The following NAA16 variants were observed in gnomAD, a reference collection of about 807,000 sequenced individuals.
NAA16 encodes N-alpha-acetyltransferase 16, NatA auxiliary subunit.
In NAA16, 97 loss-of-function variants were observed where a neutral mutation model predicts 110.3. That is an observed-to-expected ratio of 0.88 (90% CI 0.75 to 1.04). NAA16 has a LOEUF of 1.04. Among genes scored for constraint, NAA16 ranks in the 50% least tolerant of loss-of-function variants. The pLI is 0.00. For synonymous variants in NAA16, 372 were observed against 330.6 expected, an observed-to-expected ratio of 1.13 and a Z score of -1.36; for missense variants, 1,017 against 1,005.1, an observed-to-expected ratio of 1.01 and a Z score of -0.16.
rs143267623 is a variant in NAA16 at position 41,371,153 on chromosome 13, G to T, written c.1948-1050G>T. 4.4e-3 allele frequency among the ~76,000 whole-genome samples: 668 copies of T among 152,312 alleles called. 6 individuals carry two copies. The highest frequency in any genetic ancestry group is 0.015 in the African/African-American group (632 of 41,566). ...GCCACACCAGAGGAATTAATAGAAG[G>T]CAACTTGATGGAGATGAGTGCTTCC... On this transcript the variant is annotated intron_variant, in intron 15 of 19. Transcript: ENST00000379406.
intron 1 of NAA16, among the ~76,000 whole-genome samples, chr13:41,312,824 AC>A (rs1476550911): frequency 6.6e-6 from 1 of 152,208 alleles, no homozygotes; most frequent in African/African-American, 2.4e-5. Flanking sequence ...TTAGTTTTGA[AC>A]CAATAATAAG....
chr13:41,368,030 C>T (rs1167628601), intron 14 of NAA16, among the ~76,000 whole-genome samples: 4 of 152,118 alleles, frequency 2.6e-5, no homozygotes, highest in East Asian at 1.9e-4. Context: ...TGACCCCTGT[C>T]GCTACAAAAA....
chr13:41,311,784 C>T lies in NAA16; in HGVS notation c.54+202C>T, dbSNP rs377573556. On this transcript the variant is annotated intron_variant, in intron 1 of 19. Coordinates refer to ENST00000379406, the MANE Select transcript of NAA16 (RefSeq NM_024561.5). ...GCCGAGCCGCTCCTCCGTGCGCTTC[C>T]TTTCCGCGGTCTTCTGCGGCTCGCC... 1.1e-3 allele frequency among the ~76,000 whole-genome samples: 168 copies of T among 152,348 alleles called. 1 individual carries two copies. Among genetic ancestry groups the T allele is most frequent in the African/African-American group, 3.7e-3 (153 of 41,580 alleles).
rs759568986 is a variant in NAA16 at position 41,373,752 on chromosome 13, C to G, written c.2271C>G (p.Asn757Lys). ...TTAATGAGGATTTTCTGAAACGTAA[C>G]GCTACCTCTCTTCAGCATCTACTTT... is the stretch of plus-strand genomic sequence containing the variant. ...ESFNEDFLKRNATSLQHLLSG... is the reference protein window; with the variant it reads ...ESFNEDFLKRKATSLQHLLSG... The change falls in exon 18 of 20, where the codon AAC (asparagine) becomes AAG (lysine). Residue 757 changes from asparagine to lysine, a missense_variant. Physicochemically the swap from Asn to Lys is moderately conservative, Grantham distance 94. Transcript: ENST00000379406. 5 of 1,607,922 alleles carry G rather than the reference C, an allele frequency of 3.1e-6. No individual in the cohort carries two copies. Among genetic ancestry groups the G allele is most frequent in the East Asian group, 2.2e-5 (1 of 44,786 alleles).
At chr13:41,321,477 A>G (rs766381301) in intron 4 of NAA16, among the ~76,000 whole-genome samples, 1 of 152,152 alleles carries the variant, frequency 6.6e-6, no homozygotes, top group Non-Finnish European at 1.5e-5. Context: ...ACGCCTGGCC[A>G]TAACTGTTTA....
intron 15 of NAA16, among the ~76,000 whole-genome samples, chr13:41,371,076 G>A (rs945108017): frequency 3.3e-5 from 5 of 152,138 alleles, no homozygotes; most frequent in Admixed American, 1.3e-4. Flanking sequence ...GGAGAATGGC[G>A]GTAAAGGGCT....
At chr13:41,361,931 A>G (rs2139502087) in intron 12 of NAA16, 100 bp from the exon 13 acceptor site, 2 of 1,285,704 alleles carry the variant, frequency 1.6e-6, no homozygotes, top group South Asian at 1.4e-5. Context: ...AATTGCTGCT[A>G]TTGTCATAAT....
At chr13:41,367,318 C>A in intron 13 of NAA16, 121 bp from the exon 14 acceptor site, 1 of 640,964 alleles carries the variant, frequency 1.6e-6, no homozygotes, top group Non-Finnish European at 2.6e-6. Context: ...TTGGAGAGGG[C>A]AGCTAAGTGA....
Position 41,358,479 on chromosome 13 carries a change from A to C in NAA16, c.1257+6A>C. On this transcript the variant is annotated splice_donor_region_variant and intron_variant, in intron 11 of 19. Coordinates refer to ENST00000379406, the MANE Select transcript of NAA16 (RefSeq NM_024561.5). ...TGAAAGCAAAAATTTACAAGGTAAA[A>C]TCTGAATCCTGTTTTTTGAGTAGTT... 1 of 1,612,924 alleles carries C rather than the reference A, an allele frequency of 6.2e-7. No individual in the cohort carries two copies. Among genetic ancestry groups the C allele is most frequent in the Non-Finnish European group, 8.5e-7 (1 of 1,179,186 alleles).
intron 14 of NAA16, among the ~76,000 whole-genome samples, chr13:41,368,511 A>G (rs1029362720): frequency 6.6e-6 from 1 of 152,144 alleles, no homozygotes; most frequent in Admixed American, 6.6e-5. Flanking sequence ...TGTGTGCCCA[A>G]TTTTGTTCTA....
In NAA16 at chr13:41,375,826, G is replaced by A. The variant is rs9566758; in HGVS notation, c.*224G>A. ...ACACAGTTTTGTGGTAGCTCCGATCGCTTCTGTATAATTATAATTTCTTAC... is the reference window on the plus strand; with the variant it reads ...ACACAGTTTTGTGGTAGCTCCGATCACTTCTGTATAATTATAATTTCTTAC... On this transcript the variant is annotated 3_prime_UTR_variant, in exon 20 of 20. Transcript: ENST00000379406. The A allele has an allele frequency of 2.1e-3, 790 of 381,968 alleles. 13 individuals carry two copies. In the East Asian group the frequency reaches 0.03, roughly 15 times the overall value. The allele number at this position is 381,968 out of a possible 1,614,324, so 23.7% of individuals were successfully genotyped here. A position where few individuals can be genotyped will look rare whatever the true frequency, so the allele number is the denominator to read the frequency against.
intron 6 of NAA16, chr13:41,327,967 A>G (rs2042137269): frequency 6.6e-6 from 1 of 152,076 alleles, no homozygotes; most frequent in African/African-American, 2.4e-5. Flanking sequence ...TGAAAGCAGA[A>G]ATAGTATGAC....
In NAA16 at chr13:41,347,242, A is replaced by G. The variant is rs2042710782; in HGVS notation, c.1015-7902A>G. Among the ~76,000 whole-genome samples, 2 of 134,864 alleles carry G rather than the reference A, an allele frequency of 1.5e-5. 1 individual carries two copies. The allele number at this position is 134,864 out of a possible 152,430, so 88.5% of individuals were successfully genotyped here. On this transcript the variant is annotated intron_variant, in intron 9 of 19. Transcript: ENST00000379406. The stretch of plus-strand genomic sequence containing the variant: ...AAAAAAAAAAACAAAAACAAAAACA[A>G]AAAAAGAAATCAGGAAGTGTGACTC...
At chr13:41,361,956 A>C in intron 12 of NAA16, 75 bp from the exon 13 acceptor site, 9 of 1,512,982 alleles carry the variant, frequency 5.9e-6, no homozygotes, top group Non-Finnish European at 8.1e-6. Context: ...CTGTAGCCCT[A>C]GTTGTAAAGA....
At chr13:41,346,752 A>C (rs1385488151) in intron 9 of NAA16, among the ~76,000 whole-genome samples, 1 of 152,110 alleles carries the variant, frequency 6.6e-6, no homozygotes. Flanking sequence ...ACATACTCCT[A>C]GCTGGGCCCT....
chr13:41,344,256 G>A (rs1258955634), intron 9 of NAA16, among the ~76,000 whole-genome samples: 1 of 152,194 alleles, frequency 6.6e-6, no homozygotes, highest in Non-Finnish European at 1.5e-5. Flanking sequence ...GCCACTAGCA[G>A]TGTGCCTGAA....
chr13:41,311,572 A>G lies in NAA16; in HGVS notation c.44A>G (p.Lys15Arg). ...LLPPKESNLF[K>R]RILKCYEQKQ... is the part of the protein sequence containing the mutation. Reference sequence around the variant, plus strand: ...CCGCCCAAGGAGAGCAACCTCTTCAAACGCATCTTGGTGAGTGGCCGTAGG... The same window carrying G: ...CCGCCCAAGGAGAGCAACCTCTTCAGACGCATCTTGGTGAGTGGCCGTAGG... Residue 15 changes from lysine (K) to arginine (R), a missense_variant, in exon 1 of 20, where the codon AAA (lysine) becomes AGA (arginine). Lys to Arg is a conservative substitution (Grantham distance 26, BLOSUM62 2). Transcript: ENST00000379406. 2 of 1,608,452 alleles carry G rather than the reference A, an allele frequency of 1.2e-6. No individual in the cohort carries two copies. The highest frequency in any genetic ancestry group is 1.1e-5 in the South Asian group (1 of 90,050).
intron 3 of NAA16, among the ~76,000 whole-genome samples, chr13:41,320,231 G>T (rs1003689698): frequency 6.6e-6 from 1 of 152,154 alleles, no homozygotes; most frequent in African/African-American, 2.4e-5. Context: ...GACTAAATTT[G>T]TTTCAAAAAG....
At chr13:41,334,840 G>A (rs1025024361) in intron 8 of NAA16, among the ~76,000 whole-genome samples, 2 of 152,188 alleles carry the variant, frequency 1.3e-5, no homozygotes, top group African/African-American at 4.8e-5. Flanking sequence ...AGCTGATGGT[G>A]TATTCTTCTA....
Sources: gnomAD v4.1 joint callset for allele counts (sites outside exome capture counted in the v4.1 genomes callset) on GRCh38, gnomAD v4.1.1 for gene constraint, MANE v1.5 for transcripts, NCBI Gene and HGNC (gene_info 2026-07-23, HGNC 2026-07-21) for gene names.